The following PAX5 variants were observed in gnomAD, a reference collection of about 807,000 sequenced individuals.
PAX5 encodes paired box protein Pax-5.
Under a neutral mutation model 43.7 loss-of-function variants are expected in PAX5, and 9 were observed. The ratio of observed to expected loss-of-function variants is 0.21; its 90% CI spans 0.12 to 0.36. PAX5 has a LOEUF of 0.36. Among genes scored for constraint, PAX5 ranks in the 10% least tolerant of loss-of-function variants. The probability of loss-of-function intolerance (pLI) is 1.00; values close to 1 mark genes in which losing one functional copy is unlikely to be tolerated. For missense variants in PAX5, 383 were observed against 532.7 expected (o/e 0.72, Z 2.77); for synonymous variants, 228 against 214.3 (o/e 1.06, Z -0.56).
chr9:36,941,987 A>T (rs1832091178), intron 6 of PAX5, among the ~76,000 whole-genome samples: 1 of 152,246 alleles, frequency 6.6e-6, no homozygotes, highest in African/African-American at 2.4e-5. Flanking sequence ...GGTAGTAAAA[A>T]TAATAATAGC....
intron 9 of PAX5, among the ~76,000 whole-genome samples, chr9:36,844,459 GGAC>G (rs140175342): frequency 0.046 from 6,945 of 152,256 alleles, 259 homozygotes; most frequent in South Asian, 0.12. Context: ...GTTGCTGAGA[GGAC>G]GACATCAGAT....
intron 6 of PAX5, among the ~76,000 whole-genome samples, chr9:36,927,397 C>T (rs1341502167): frequency 6.6e-6 from 1 of 152,144 alleles, no homozygotes; most frequent in African/African-American, 2.4e-5. Context: ...TATATCCTGC[C>T]CCTTACATAT....
At chr9:36,933,165 AAAAG>A (rs1240347613) in intron 6 of PAX5, among the ~76,000 whole-genome samples, 3 of 151,964 alleles carry the variant, frequency 2.0e-5, no homozygotes, top group Admixed American at 1.3e-4. Context: ...AAAAGGAAAA[AAAAG>A]AAAGAAAGTC....
intron 3 of PAX5, among the ~76,000 whole-genome samples, chr9:37,007,294 A>G (rs1000593069): frequency 1.1e-4 from 16 of 152,194 alleles, no homozygotes; most frequent in Non-Finnish European, 1.5e-5. Flanking sequence ...CCTCCGATAC[A>G]ATGACGGAGT....
At chr9:36,842,015 G>A (rs2131573618) in intron 9 of PAX5, among the ~76,000 whole-genome samples, 1 of 152,242 alleles carries the variant, frequency 6.6e-6, no homozygotes, top group East Asian at 1.9e-4. Flanking sequence ...CAGCCCTGAT[G>A]AGCCGATGTG....
At chr9:36,843,107 A>T (rs1408228277) in intron 9 of PAX5, among the ~76,000 whole-genome samples, 2 of 149,544 alleles carry the variant, frequency 1.3e-5, no homozygotes, top group South Asian at 2.1e-4. Context: ...TGTGTGTGTG[A>T]GTGTATGAGT....
intron 5 of PAX5, among the ~76,000 whole-genome samples, chr9:36,976,535 T>C (rs757209217): frequency 2.0e-5 from 3 of 152,178 alleles, no homozygotes; most frequent in Non-Finnish European, 4.4e-5. Context: ...GGCCAGGCTC[T>C]AAATGTCCCT....
rs2132472102 is a variant in PAX5 at position 37,015,128 on chromosome 9, G to T, written c.279C>A (p.Pro93=). The T allele has an allele frequency of 6.2e-7, 1 of 1,614,200 alleles. No individual in the cohort carries two copies. The highest frequency in any genetic ancestry group is 8.5e-7 in the Non-Finnish European group (1 of 1,180,010). Residue 93 remains proline, a synonymous_variant, in exon 3 of 10, where the codon CCC becomes CCA. Coordinates refer to ENST00000358127, the MANE Select transcript of PAX5 (RefSeq NM_016734.3). The surrounding 1 kb of genome is among the most constrained non-coding windows in gnomAD (Gnocchi z 4.4). ...IGGSKPKVAT[P]KVVEKIAEYK... ...ATTCAGCGATTTTTTCCACCACTTT[G>T]GGTGTGGCGACCTTTGGTTTGGATC...
chr9:36,931,795 G>A (rs1023938993), intron 6 of PAX5, among the ~76,000 whole-genome samples: 6 of 149,860 alleles, frequency 4.0e-5, no homozygotes, highest in African/African-American at 1.2e-4. Flanking sequence ...GCTGCACACT[G>A]AGCCGAGATC....
At chr9:36,875,166 C>G (rs1028312917) in intron 8 of PAX5, among the ~76,000 whole-genome samples, 4 of 152,208 alleles carry the variant, frequency 2.6e-5, no homozygotes, top group African/African-American at 9.7e-5. Flanking sequence ...ACTCCCAGCC[C>G]TGGGTCAGCC....
chr9:36,929,415 C>G (rs1020710192), intron 6 of PAX5, among the ~76,000 whole-genome samples: 1 of 152,154 alleles, frequency 6.6e-6, no homozygotes, highest in African/African-American at 2.4e-5. Context: ...GGCTGAGTGG[C>G]GGGGTGCAGA....
intron 7 of PAX5, among the ~76,000 whole-genome samples, chr9:36,906,270 C>A (rs3780149): frequency 0.26 from 39,553 of 151,992 alleles, 5,457 homozygotes; most frequent in South Asian, 0.35. Context: ...ATGTGGAGAG[C>A]GTGTGGATCA....
At chr9:36,942,636 T>G (rs1198180387) in intron 6 of PAX5, among the ~76,000 whole-genome samples, 1 of 152,248 alleles carries the variant, frequency 6.6e-6, no homozygotes, top group Non-Finnish European at 1.5e-5. Flanking sequence ...TTGTTCTGCC[T>G]CTACCAGAGG....
chr9:36,939,382 C>T (rs750033844), intron 6 of PAX5, among the ~76,000 whole-genome samples: 53 of 152,232 alleles, frequency 3.5e-4, no homozygotes, highest in Non-Finnish European at 6.3e-4. Context: ...CATTTTTAAC[C>T]CAAACCACCA....
intron 5 of PAX5, among the ~76,000 whole-genome samples, chr9:36,973,143 A>C (rs991185743): frequency 0.036 from 3,396 of 94,158 alleles, 53 homozygotes; most frequent in Middle Eastern, 0.1. Flanking sequence ...AGAAAAGGAA[A>C]GGAAAGGAAA....
chr9:36,966,555 G>A lies in PAX5; in HGVS notation c.774C>T (p.Pro258=), dbSNP rs113556063. 94 of 1,613,562 alleles carry A rather than the reference G, an allele frequency of 5.8e-5. No homozygotes were observed. The highest frequency in any genetic ancestry group is 7.5e-5 in the Non-Finnish European group (89 of 1,179,598). The change falls in exon 6 of 10, where the codon CCC becomes CCT. Residue 258 remains proline, a synonymous_variant. Coordinates refer to ENST00000358127, the MANE Select transcript of PAX5 (RefSeq NM_016734.3). The stretch of plus-strand genomic sequence containing the variant: ...CGTGCATCACGAGGCGTACCTGCTC[G>A]GGCTTGATGGGCTCTGTGGTGGTGA... ...DIFTTTEPIK[P]EQTTEYSAMA...
rs1236696728 is a variant in PAX5 at position 36,839,347 on chromosome 9, C to T, written c.*1213G>A. On this transcript the variant is annotated 3_prime_UTR_variant, in exon 10 of 10. Coordinates refer to ENST00000358127, the MANE Select transcript of PAX5 (RefSeq NM_016734.3). Reference sequence around the variant, plus strand: ...GATCAACAGGTGGGCATGCATTGTGCGAAATTAGGCATCTGCCCCAGCCCC... The same window carrying T: ...GATCAACAGGTGGGCATGCATTGTGTGAAATTAGGCATCTGCCCCAGCCCC... 1 of 233,450 alleles carries T rather than the reference C, an allele frequency of 4.3e-6. No individual in the cohort carries two copies. Among genetic ancestry groups the T allele is most frequent in the Non-Finnish European group, 8.5e-6 (1 of 118,182 alleles). 14.5% of individuals were successfully genotyped at this position (233,450 alleles called of 1,614,324 possible).
chr9:36,885,967 G>T, intron 7 of PAX5, among the ~76,000 whole-genome samples: 1 of 152,248 alleles, frequency 6.6e-6, no homozygotes, highest in Admixed American at 6.5e-5. Flanking sequence ...AGGTTCAGCC[G>T]TGTGCCTTGC....
In PAX5 at chr9:36,990,413, G is replaced by C. The variant is rs529168886; in HGVS notation, c.604+12235C>G. Among the ~76,000 whole-genome samples the C allele has an allele frequency of 6.6e-5, 10 of 152,332 alleles. No individual in the cohort carries two copies. In the South Asian group the frequency reaches 2.1e-3, roughly 32 times the overall value. On this transcript the variant is annotated intron_variant, in intron 5 of 9. Coordinates refer to ENST00000358127, the MANE Select transcript of PAX5 (RefSeq NM_016734.3). ...ATGACTGGAGTGCGCATGAAAAGAGGAGAGTGGAGAGGGCCTGGCAGCCTT... is the reference window on the plus strand; with the variant it reads ...ATGACTGGAGTGCGCATGAAAAGAGCAGAGTGGAGAGGGCCTGGCAGCCTT...
Sources: gnomAD v4.1 joint callset for allele counts (sites outside exome capture counted in the v4.1 genomes callset) on GRCh38, gnomAD v4.1.1 for gene constraint, Gnocchi (gnomAD v3.1) non-coding constraint, MANE v1.5 for transcripts, NCBI Gene and HGNC (gene_info 2026-07-23, HGNC 2026-07-21) for gene names.